Variants in UBXN7 observed in about 807,000 individuals in gnomAD.
The protein encoded by UBXN7 is UBX domain-containing protein 7.
In UBXN7, 9 loss-of-function variants were observed where a neutral mutation model predicts 58.0. The ratio of observed to expected loss-of-function variants is 0.16; its 90% CI spans 0.09 to 0.27. The LOEUF is 0.27. UBXN7 is among the 10% of genes least tolerant of loss of function. The pLI is 1.00. For missense variants in UBXN7, 328 were observed against 599.6 expected (o/e 0.55, Z 4.73); for synonymous variants, 208 against 205.0 (o/e 1.01, Z -0.12).
chr3:196,413,026 C>A (rs1285865187), intron 1 of UBXN7, among the ~76,000 whole-genome samples: 1 of 152,082 alleles, frequency 6.6e-6, no homozygotes. Flanking sequence ...GTATTTAATA[C>A]CACTGAACTG....
intron 1 of UBXN7, among the ~76,000 whole-genome samples, chr3:196,408,658 G>A (rs1170751390): frequency 6.6e-6 from 1 of 152,068 alleles, no homozygotes; most frequent in African/African-American, 2.4e-5. Flanking sequence ...TTATTTCGCT[G>A]TCATTCCTGA....
chr3:196,393,246 A>G (rs1729639533), intron 4 of UBXN7, among the ~76,000 whole-genome samples: 1 of 152,252 alleles, frequency 6.6e-6, no homozygotes, highest in Non-Finnish European at 1.5e-5. Context: ...GACAGAAGTC[A>G]GGATCCTGAG....
At chr3:196,388,044 A>C (rs1729464302) in intron 5 of UBXN7, among the ~76,000 whole-genome samples, 1 of 152,132 alleles carries the variant, frequency 6.6e-6, no homozygotes, top group African/African-American at 2.4e-5. Context: ...GAACCAACCC[A>C]AATGTCCATC....
chr3:196,432,064 C>T, intron 1 of UBXN7: 1 of 603,834 alleles, frequency 1.7e-6, no homozygotes, highest in Non-Finnish European at 3.0e-6. Context: ...CGGCCCATTC[C>T]CAGGTCTGGG....
chr3:196,432,106 C>G lies in UBXN7; in HGVS notation c.73+221G>C, dbSNP rs548822685. The G allele has an allele frequency of 2.2e-4, 153 of 680,794 alleles. 4 individuals carry two copies. The South Asian group carries it at 2.4e-3, about 11-fold the overall frequency. The allele number at this position is 680,794 out of a possible 1,614,324, so 42.2% of individuals were successfully genotyped here. A position where few individuals can be genotyped will look rare whatever the true frequency, so the allele number is the denominator to read the frequency against. On this transcript the variant is annotated intron_variant, in intron 1 of 10. Transcript: ENST00000296328. ...GGGGGTTGGGGGATCTCCCTCCACG[C>G]TACTAGGAGACAGAGAACGAGGGTA... is the stretch of plus-strand genomic sequence containing the variant.
Position 196,402,987 on chromosome 3 carries a change from T to C in UBXN7, c.254A>G (p.Gln85Arg). 6.3e-7 allele frequency: 1 copy of C among 1,598,924 alleles called. No individual in the cohort carries two copies. Among genetic ancestry groups the C allele is most frequent in the Non-Finnish European group, 8.5e-7 (1 of 1,176,914 alleles). ...TGGTTCTGGTTCCACCAGTATTTCC[T>C]GCTTTTGAGGAATTGGGGCACGAAC... ...EEVRAPIPQK[Q>R]EILVEPEPLF... Residue 85 changes from glutamine (Q) to arginine (R), a missense_variant, in exon 3 of 11, where the codon CAG becomes CGG. Around this residue, in one of 4 missense-constraint regions of UBXN7, gnomAD observed 106 missense variants for 124.3 expected, o/e 0.85. Transcript: ENST00000296328.
chr3:196,428,713 T>C (rs995048071), intron 1 of UBXN7, among the ~76,000 whole-genome samples: 2 of 149,906 alleles, frequency 1.3e-5, no homozygotes, highest in African/African-American at 4.9e-5. Context: ...CACAACAAAG[T>C]GAGACCCCAT....
chr3:196,420,747 C>G (rs1029936235), intron 1 of UBXN7, among the ~76,000 whole-genome samples: 1 of 152,088 alleles, frequency 6.6e-6, no homozygotes, highest in Non-Finnish European at 1.5e-5. Flanking sequence ...CACCAAACGG[C>G]CTTCCTTAAC....
intron 8 of UBXN7, among the ~76,000 whole-genome samples, chr3:196,366,961 T>C (rs546903393): frequency 3.9e-5 from 6 of 152,178 alleles, no homozygotes; most frequent in African/African-American, 1.4e-4. Context: ...GAAGGGCGGA[T>C]CACTTGAAGT....
intron 5 of UBXN7, among the ~76,000 whole-genome samples, chr3:196,382,925 C>T (rs1729251981): frequency 6.6e-6 from 1 of 152,076 alleles, no homozygotes; most frequent in African/African-American, 2.4e-5. Context: ...ACCATCCTGG[C>T]TAACACGGTG....
At chr3:196,381,398 G>A (rs1729201129) in intron 5 of UBXN7, among the ~76,000 whole-genome samples, 1 of 152,196 alleles carries the variant, frequency 6.6e-6, no homozygotes, top group Non-Finnish European at 1.5e-5. Flanking sequence ...TGAGGGACCT[G>A]ACTGTTAGAA....
chr3:196,373,329 G>A (rs550707640), intron 5 of UBXN7, among the ~76,000 whole-genome samples: 3 of 152,254 alleles, frequency 2.0e-5, no homozygotes, highest in Middle Eastern at 3.4e-3. Flanking sequence ...AACAGATATC[G>A]ATACATCAAT....
At chr3:196,404,261 G>GC in intron 2 of UBXN7, among the ~76,000 whole-genome samples, 1 of 129,406 alleles carries the variant, frequency 7.7e-6, no homozygotes, top group East Asian at 2.2e-4. Context: ...AGCCCTAATG[G>GC]TTTTTTTTTT....
At chr3:196,375,004 G>GGAGGAAGGAAGGAAGGA (rs1728964889) in intron 5 of UBXN7, among the ~76,000 whole-genome samples, 1 of 37,494 alleles carries the variant, frequency 2.7e-5, no homozygotes, top group African/African-American at 1.5e-4. Context: ...GGGAGGGAGG[G>GGAGGAAGGAAGGAAGGA]AGGAAGGAAG....
In UBXN7 at chr3:196,390,218, C is replaced by CA. The variant is rs559912893; in HGVS notation, c.468+1594dup. On this transcript the variant is annotated intron_variant, in intron 5 of 10. Transcript: ENST00000296328. ...CAGGTGACAGAATGAGAACCTGTCTCAAAAAAAAAAGACAAAGAAAAGGGA... is the reference window on the plus strand; with the variant it reads ...CAGGTGACAGAATGAGAACCTGTCTCAAAAAAAAAAAGACAAAGAAAAGGGA... Among the ~76,000 whole-genome samples the CA allele has an allele frequency of 3.0e-4, 44 of 145,166 alleles. No homozygotes were observed. The South Asian group carries it at 3.3e-3, about 11-fold the overall frequency.
intron 1 of UBXN7, among the ~76,000 whole-genome samples, chr3:196,423,155 G>A (rs749767234): frequency 2.3e-4 from 35 of 152,214 alleles, no homozygotes; most frequent in Admixed American, 1.1e-3. Context: ...CAACCTAGCG[G>A]GGCCAGTCAC....
At chr3:196,383,714 A>G (rs567844254) in intron 5 of UBXN7, among the ~76,000 whole-genome samples, 50 of 152,344 alleles carry the variant, frequency 3.3e-4, no homozygotes, top group Non-Finnish European at 6.5e-4. Context: ...GCACATAACG[A>G]AATGAAGGCA....
chr3:196,397,281 G>C (rs1214377366), intron 3 of UBXN7, among the ~76,000 whole-genome samples: 4 of 152,198 alleles, frequency 2.6e-5, no homozygotes, highest in African/African-American at 9.6e-5. Flanking sequence ...AGTCAGCATA[G>C]GGGAGGGACA....
chr3:196,411,534 G>A (rs1051778611), intron 1 of UBXN7, among the ~76,000 whole-genome samples: 2 of 152,174 alleles, frequency 1.3e-5, no homozygotes, highest in Admixed American at 1.3e-4. Context: ...GCAGATGGCC[G>A]AGCACAGTGG....
Sources: gnomAD v4.1 joint callset for allele counts (sites outside exome capture counted in the v4.1 genomes callset) on GRCh38, gnomAD v4.1.1 for gene constraint, gnomAD v4.1.1 regional missense constraint, MANE v1.5 for transcripts, NCBI Gene and HGNC (gene_info 2026-07-23, HGNC 2026-07-21) for gene names.